EFHB: variants seen among roughly 807,000 people sequenced by gnomAD.
The protein encoded by EFHB is EF-hand domain family member B.
A neutral mutation model predicts 87.2 loss-of-function variants in EFHB; 91 were observed. The ratio of observed to expected loss-of-function variants is 1.04; its 90% CI spans 0.88 to 1.24. The LOEUF (loss-of-function observed/expected upper bound fraction) is 1.24. Ranked by LOEUF, EFHB falls within the 50% of genes most tolerant of loss-of-function variation. EFHB has a pLI of 0.00. For synonymous variants in EFHB, 325 were observed against 333.6 expected (o/e 0.97, Z 0.28); for missense variants, 1,084 against 998.8 (o/e 1.09, Z -1.15).
Position 19,933,649 on chromosome 3 carries a change from G to T in EFHB, c.370C>A (p.Arg124=), listed in dbSNP as rs113286461. The T allele has an allele frequency of 4.3e-6, 7 of 1,613,946 alleles. No homozygotes were observed. Among genetic ancestry groups the T allele is most frequent in the African/African-American group, 1.3e-5 (1 of 75,026 alleles). ...ESLLAGYTHE[R]IIQPPLGRVC... ...CTGCCCAAAGGAGGCTGTATTATCC[G>T]TTCATGGGTATATCCTGCAAGAAGA... is the stretch of plus-strand genomic sequence containing the variant. Residue 124 remains arginine (R), a synonymous_variant, in exon 1 of 13, where the codon CGG becomes AGG. Coordinates refer to ENST00000295824, the MANE Select transcript of EFHB (RefSeq NM_144715.4).
chr3:19,928,438 A>G (rs1695706118), intron 1 of EFHB, among the ~76,000 whole-genome samples: 1 of 152,128 alleles, frequency 6.6e-6, no homozygotes, highest in African/African-American at 2.4e-5. Context: ...AAATCAGAAA[A>G]GAGACCTTGT....
chr3:19,921,584 C>G (rs1006977912), intron 1 of EFHB, among the ~76,000 whole-genome samples: 1 of 151,930 alleles, frequency 6.6e-6, no homozygotes, highest in African/African-American at 2.4e-5. Context: ...GGGTGAGAGG[C>G]TGGGGGGGCC....
intron 1 of EFHB, among the ~76,000 whole-genome samples, chr3:19,921,994 G>A (rs778498266): frequency 2.6e-5 from 4 of 151,864 alleles, no homozygotes; most frequent in Admixed American, 6.6e-5. Flanking sequence ...GTGAAACCCC[G>A]TCCCTTCTAA....
intron 5 of EFHB, among the ~76,000 whole-genome samples, chr3:19,914,479 G>C (rs1246669637): frequency 1.3e-5 from 2 of 151,874 alleles, no homozygotes; most frequent in African/African-American, 4.8e-5. Flanking sequence ...TTTTAATTGT[G>C]CTATGGAATA....
At chr3:19,906,372 A>G (rs1694843930) in intron 5 of EFHB, among the ~76,000 whole-genome samples, 1 of 152,196 alleles carries the variant, frequency 6.6e-6, no homozygotes, top group South Asian at 2.1e-4. Flanking sequence ...AAGTCAAAGA[A>G]TACAAAATCA....
At position 19,926,238 on chromosome 3, in the gene EFHB, G is replaced by A. The variant is rs115263311; in HGVS notation, c.790-5671C>T. Among the ~76,000 whole-genome samples, 1,315 of 152,178 alleles carry A rather than the reference G, an allele frequency of 8.6e-3. 10 individuals carry two copies. Among genetic ancestry groups the A allele is most frequent in the Non-Finnish European group, 0.014 (981 of 67,998 alleles). ...ATATCATAAAGTCATTTGTCTATTG[G>A]TCTCCAGTCTCTAAGTTCCTTGAAT... On this transcript the variant is annotated intron_variant, in intron 1 of 12. Transcript: ENST00000295824.
intron 6 of EFHB, among the ~76,000 whole-genome samples, chr3:19,900,897 C>T (rs753319493): frequency 2.7e-5 from 4 of 150,794 alleles, no homozygotes; most frequent in Non-Finnish European, 4.4e-5. Context: ...CCACGGCACC[C>T]CAGCCTGGGC....
intron 1 of EFHB, among the ~76,000 whole-genome samples, chr3:19,928,245 A>C (rs1363525310): frequency 6.6e-6 from 1 of 152,142 alleles, no homozygotes; most frequent in Non-Finnish European, 1.5e-5. Flanking sequence ...AAAATGAACT[A>C]TTTTAATTCA....
At chr3:19,912,334 A>G (rs1362753316) in intron 5 of EFHB, among the ~76,000 whole-genome samples, 1 of 152,200 alleles carries the variant, frequency 6.6e-6, no homozygotes, top group Non-Finnish European at 1.5e-5. Flanking sequence ...TTATTCTAGA[A>G]TAGTATATCT....
At chr3:19,936,773 A>G (rs1402875245), upstream of EFHB, among the ~76,000 whole-genome samples, 1 of 150,480 alleles carries the variant, frequency 6.6e-6, no homozygotes, top group East Asian at 2.0e-4. Context: ...GAGGCTGAGG[A>G]AGGAGAATCG....
At chr3:19,939,733 C>CAG (rs386396073) in intron 1 of EFHB, among the ~76,000 whole-genome samples, 1 of 151,406 alleles carries the variant, frequency 6.6e-6, no homozygotes, top group Non-Finnish European at 1.5e-5. Context: ...TTATTTGTAA[C>CAG]AGTATTTATC....
intron 5 of EFHB, among the ~76,000 whole-genome samples, chr3:19,908,586 GAGAGAGAGAGAGAGAAAGAAAGAAAGAA>G (rs1559459636): frequency 2.0e-5 from 2 of 101,542 alleles, no homozygotes; most frequent in African/African-American, 8.5e-5. Context: ...GAGAGAGAGA[GAGAGAGAGAGAGAGAAAGAAAGAAAGAA>G]AGAAAGAAAG....
intron 6 of EFHB, among the ~76,000 whole-genome samples, chr3:19,902,824 G>A (rs1694717503): frequency 6.6e-6 from 1 of 152,134 alleles, no homozygotes; most frequent in African/African-American, 2.4e-5. Flanking sequence ...TTTTTAAACT[G>A]CAACCAAAAG....
chr3:19,909,287 A>G (rs1487693847), intron 5 of EFHB, among the ~76,000 whole-genome samples: 1 of 152,046 alleles, frequency 6.6e-6, no homozygotes, highest in Non-Finnish European at 1.5e-5. Context: ...GTGAGGTATC[A>G]AACTCAGTGC....
chr3:19,882,715 A>G lies in EFHB; in HGVS notation c.2163T>C (p.Gly721=), dbSNP rs1327990528. 2 of 1,613,024 alleles carry G rather than the reference A, an allele frequency of 1.2e-6. No individual in the cohort carries two copies. The highest frequency in any genetic ancestry group is 1.7e-6 in the Non-Finnish European group (2 of 1,179,364). ...GAATGTCAGATCGAATGGTTGGAAC[A>G]CCACAAATGGGGTAACCTAGGTCAT... ...AIPSTCYPIC[G]VPTIRSDIPA... Residue 721 remains glycine, a synonymous_variant, in exon 12 of 13, where the codon GGT becomes GGC. Coordinates refer to ENST00000295824, the MANE Select transcript of EFHB (RefSeq NM_144715.4).
chr3:19,941,206 T>A, intron 1 of EFHB: 1 of 343,238 alleles, frequency 2.9e-6, no homozygotes, highest in Non-Finnish European at 5.7e-6. Context: ...CTTGTCTAGT[T>A]TGGTGTCTTG....
At chr3:19,882,849 T>C (rs2071715196) in intron 11 of EFHB, 118 bp from the exon 12 acceptor site, 1 of 844,944 alleles carries the variant, frequency 1.2e-6, no homozygotes, top group Non-Finnish European at 1.7e-6. Context: ...AATTTTGGTG[T>C]ATTCCAAATG....
intron 9 of EFHB, among the ~76,000 whole-genome samples, chr3:19,892,149 C>T (rs947729555): frequency 6.6e-6 from 1 of 152,096 alleles, no homozygotes; most frequent in African/African-American, 2.4e-5. Context: ...CTGGGTTGTG[C>T]GTTTTGCTTT....
chr3:19,889,118 T>C (rs1035851876), intron 9 of EFHB, among the ~76,000 whole-genome samples: 1 of 152,186 alleles, frequency 6.6e-6, no homozygotes, highest in Non-Finnish European at 1.5e-5. Context: ...CTAAGATTCA[T>C]CCTGGTAAGT....
Sources: gnomAD v4.1 joint callset for allele counts (sites outside exome capture counted in the v4.1 genomes callset) on GRCh38, gnomAD v4.1.1 for gene constraint, MANE v1.5 for transcripts, NCBI Gene and HGNC (gene_info 2026-07-23, HGNC 2026-07-21) for gene names.